SORL1-AS1: variants seen among roughly 807,000 people sequenced by gnomAD.
The protein encoded by SORL1-AS1 is lncRNA 51 A.
chr11:121,442,646 T>C (rs1412457631), downstream of SORL1-AS1, among the ~76,000 whole-genome samples: 1 of 74,792 alleles, frequency 1.3e-5, no homozygotes, highest in Non-Finnish European at 2.7e-5. Context: ...CTCTCTTTTA[T>C]TTATTTATTT....
the SORL1-AS1 span, among the ~76,000 whole-genome samples, chr11:121,442,215 C>T: frequency 6.6e-6 from 1 of 151,434 alleles, no homozygotes; most frequent in Non-Finnish European, 1.5e-5. Flanking sequence ...TTTCATTGCA[C>T]CTTACTTGAA....
downstream of SORL1-AS1, among the ~76,000 whole-genome samples, chr11:121,444,018 C>T (rs1330452695): frequency 6.6e-6 from 1 of 152,074 alleles, no homozygotes. Flanking sequence ...TTTAGGGGTG[C>T]CCTGAGCCTT....
chr11:121,442,616 C>CA (rs1444490672), downstream of SORL1-AS1, among the ~76,000 whole-genome samples: 2 of 151,144 alleles, frequency 1.3e-5, no homozygotes, highest in Non-Finnish European at 2.9e-5. Context: ...GCCTGGGTGA[C>CA]AGAGTGAGGC....
downstream of SORL1-AS1, among the ~76,000 whole-genome samples, chr11:121,443,403 C>G (rs935261733): frequency 6.6e-6 from 1 of 152,160 alleles, no homozygotes; most frequent in Non-Finnish European, 1.5e-5. Flanking sequence ...AATGCCATGT[C>G]AAACAGACAA....
At chr11:121,443,613 T>C (rs1860689496), downstream of SORL1-AS1, among the ~76,000 whole-genome samples, 1 of 152,244 alleles carries the variant, frequency 6.6e-6, no homozygotes, top group South Asian at 2.1e-4. Context: ...CAGCTCACGT[T>C]TGAAGGGACT....
intron 1 of SORL1-AS1, among the ~76,000 whole-genome samples, chr11:121,451,058 T>C (rs973717948): frequency 1.3e-5 from 2 of 152,058 alleles, no homozygotes; most frequent in Admixed American, 6.6e-5. Context: ...TTTTAGAAAA[T>C]TGAACTGACC....
the SORL1-AS1 span, among the ~76,000 whole-genome samples, chr11:121,438,298 T>G: frequency 6.6e-6 from 1 of 152,000 alleles, no homozygotes. Context: ...CATCCCTTTA[T>G]TTTAATTTAT....
exon 2 of SORL1-AS1, chr11:121,447,533 G>A (rs373335320): frequency 9.5e-4 from 144 of 152,070 alleles, no homozygotes; most frequent in African/African-American, 3.3e-3. Flanking sequence ...GGCTGGTCTT[G>A]AACTCCTGGG....
downstream of SORL1-AS1, among the ~76,000 whole-genome samples, chr11:121,442,971 C>T (rs141077194): frequency 6.8e-3 from 1,033 of 151,030 alleles, 13 homozygotes; most frequent in African/African-American, 0.023. Flanking sequence ...AGTCACCGCG[C>T]CCAGCCAAGG....
the SORL1-AS1 span, among the ~76,000 whole-genome samples, chr11:121,439,747 A>G: frequency 6.6e-6 from 1 of 152,240 alleles, no homozygotes; most frequent in Non-Finnish European, 1.5e-5. Context: ...ATGTTTAAAG[A>G]TAATGGCTGA....
At chr11:121,441,106 C>T in the SORL1-AS1 span, among the ~76,000 whole-genome samples, 1 of 152,058 alleles carries the variant, frequency 6.6e-6, no homozygotes, top group Non-Finnish European at 1.5e-5. Flanking sequence ...TTTTTAGGCC[C>T]ATTATCTCCA....
chr11:121,441,295 G>C, the SORL1-AS1 span, among the ~76,000 whole-genome samples: 1 of 151,720 alleles, frequency 6.6e-6, no homozygotes, highest in Non-Finnish European at 1.5e-5. Flanking sequence ...AGGCCGAGGC[G>C]GGCAGATCAC....
the SORL1-AS1 span, among the ~76,000 whole-genome samples, chr11:121,441,320 G>A: frequency 1.3e-5 from 2 of 150,486 alleles, no homozygotes; most frequent in Non-Finnish European, 3.0e-5. Flanking sequence ...TCAGGAGATT[G>A]AAACCATCCT....
downstream of SORL1-AS1, among the ~76,000 whole-genome samples, chr11:121,447,023 T>A (rs748718152): frequency 2.6e-5 from 4 of 152,188 alleles, no homozygotes; most frequent in Non-Finnish European, 5.9e-5. Context: ...GATATTCAAA[T>A]AATCTTCAGC....
chr11:121,443,334 C>T (rs1481281240), downstream of SORL1-AS1, among the ~76,000 whole-genome samples: 1 of 152,160 alleles, frequency 6.6e-6, no homozygotes, highest in Non-Finnish European at 1.5e-5. Context: ...AGGTTGCTGG[C>T]CAAACAAACA....
chr11:121,451,673 A>T (rs896976301), intron 1 of SORL1-AS1, among the ~76,000 whole-genome samples: 4 of 152,208 alleles, frequency 2.6e-5, no homozygotes, highest in African/African-American at 9.7e-5. Context: ...GATCAAGGGT[A>T]GTTTTTGCTG....
downstream of SORL1-AS1, among the ~76,000 whole-genome samples, chr11:121,446,925 G>A (rs1021030445): frequency 1.9e-4 from 29 of 152,230 alleles, no homozygotes; most frequent in African/African-American, 6.7e-4. Flanking sequence ...CCCCAGGCTC[G>A]TCTGTGCCTA....
downstream of SORL1-AS1, among the ~76,000 whole-genome samples, chr11:121,444,078 G>A (rs149397481): frequency 6.7e-6 from 1 of 149,126 alleles, no homozygotes; most frequent in African/African-American, 2.5e-5. Context: ...AGAAATGTGT[G>A]TGTGTGTGTG....
chr11:121,442,303 A>T, the SORL1-AS1 span, among the ~76,000 whole-genome samples: 1 of 152,188 alleles, frequency 6.6e-6, no homozygotes, highest in Non-Finnish European at 1.5e-5. Context: ...AGCAACTAGA[A>T]TCCTTAAACC....
Sources: gnomAD v4.1 joint callset for allele counts (sites outside exome capture counted in the v4.1 genomes callset) on GRCh38, gnomAD v4.1.1 for gene constraint, MANE v1.5 for transcripts, NCBI Gene and HGNC (gene_info 2026-07-23, HGNC 2026-07-21) for gene names.